The following HDLBP variants were observed in gnomAD, a reference collection of about 807,000 sequenced individuals.
HDLBP encodes high density lipoprotein binding protein.
A neutral mutation model predicts 137.3 loss-of-function variants in HDLBP; 30 were observed. The observed-to-expected ratio is 0.22, with a 90% confidence interval of 0.16 to 0.30. The LOEUF (loss-of-function observed/expected upper bound fraction) is 0.30. HDLBP is among the 10% of genes least tolerant of loss of function. The pLI is 1.00. For missense variants in HDLBP, 1,119 were observed against 1,667.3 expected (o/e 0.67, Z 5.73); for synonymous variants, 606 against 596.0 (o/e 1.02, Z -0.24).
intron 9 of HDLBP, among the ~76,000 whole-genome samples, chr2:241,253,897 T>G (rs2072403719): frequency 6.6e-6 from 1 of 152,204 alleles, no homozygotes; most frequent in Non-Finnish European, 1.5e-5. Context: ...GTAAAGTAAC[T>G]TGCTTGACAT....
chr2:241,250,002 A>T, intron 11 of HDLBP, 22 bp from the exon 12 acceptor site: 1 of 1,587,072 alleles, frequency 6.3e-7, no homozygotes. Context: ...AAAAGGAAAC[A>T]CATTTAGGAC....
At position 241,239,999 on chromosome 2, in the gene HDLBP, C is replaced by T; in HGVS notation, c.2293G>A (p.Ala765Thr). ...AGGTCCTGGTCCTTGTCCTCAGCCG[C>T]AGGGAAGATGACACGTGCTCCAGTG... ...DSTGARVIFP[A>T]AEDKDQDLIT... Residue 765 changes from alanine to threonine, a missense_variant, in exon 18 of 28, where the codon GCG (alanine) becomes ACG (threonine). Physicochemically the swap from Ala to Thr is moderately conservative, Grantham distance 58 (BLOSUM62 0). Around this residue, in one of 4 missense-constraint regions of HDLBP, gnomAD observed 618 missense variants for 816.7 expected, o/e 0.76. Transcript: ENST00000310931. The surrounding 1 kb of genome is among the most constrained non-coding windows in gnomAD (Gnocchi z 4.6). The T allele has an allele frequency of 6.2e-7, 1 of 1,614,202 alleles. No individual in the cohort carries two copies. Among genetic ancestry groups the T allele is most frequent in the Non-Finnish European group, 8.5e-7 (1 of 1,180,036 alleles).
At chr2:241,266,716 G>A in intron 3 of HDLBP, 78 bp downstream of exon 3, 1 of 958,710 alleles carries the variant, frequency 1.0e-6, no homozygotes, top group Non-Finnish European at 1.7e-6. Context: ...TTCTAGAAAG[G>A]GCATGGGATT....
chr2:241,232,242 A>G (rs1303985458), intron 24 of HDLBP, among the ~76,000 whole-genome samples: 1 of 151,236 alleles, frequency 6.6e-6, no homozygotes, highest in East Asian at 2.0e-4. Context: ...CTCATGGTGT[A>G]TTAGATGGAA....
chr2:241,292,751 A>G (rs1412313837), intron 1 of HDLBP, among the ~76,000 whole-genome samples: 1 of 150,666 alleles, frequency 6.6e-6, no homozygotes, highest in Non-Finnish European at 1.5e-5. Context: ...GGTGACAGGC[A>G]TATGATTCTC....
rs935087347 is a variant in HDLBP at position 241,264,914 on chromosome 2, C to T, written c.77-309G>A. 3.9e-5 allele frequency among the ~76,000 whole-genome samples: 6 copies of T among 152,180 alleles called. No homozygotes were observed. In the South Asian group the frequency reaches 8.3e-4, roughly 21 times the overall value. On this transcript the variant is annotated intron_variant, in intron 3 of 27. Transcript: ENST00000310931. ...GACATTGTGAGCCCCACTCCCCTAA[C>T]GGGGTGAGTCCCTTGAAAGCAAGCC...
intron 16 of HDLBP, among the ~76,000 whole-genome samples, chr2:241,246,410 C>T (rs987129675): frequency 5.9e-5 from 9 of 152,044 alleles, no homozygotes; most frequent in African/African-American, 1.9e-4. Context: ...TTACATTGTA[C>T]ACTGTAAATA....
chr2:241,311,907 C>T (rs983178114), intron 1 of HDLBP, among the ~76,000 whole-genome samples: 2 of 152,168 alleles, frequency 1.3e-5, no homozygotes, highest in Admixed American at 1.3e-4. Flanking sequence ...AACTTCCTAC[C>T]TATTCTCAGT....
At chr2:241,244,816 T>C (rs75307644) in intron 16 of HDLBP, among the ~76,000 whole-genome samples, 1,549 of 152,346 alleles carry the variant, frequency 0.01, 16 homozygotes, top group African/African-American at 0.034. Context: ...TGGAATTTTT[T>C]TTAAAGGTTA....
intron 1 of HDLBP, among the ~76,000 whole-genome samples, chr2:241,295,499 A>C (rs1229677996): frequency 2.0e-5 from 3 of 152,198 alleles, no homozygotes; most frequent in African/African-American, 7.2e-5. Context: ...ATACACGAGA[A>C]GCCTGAATCA....
chr2:241,272,331 G>C lies in HDLBP; in HGVS notation c.-102-3790C>G. ...CGGCGCCCCCGCCGGAGCGGGGGAGGGGAGGGCCGGCCCCGCCAACGTCAG... is the reference window on the plus strand; with the variant it reads ...CGGCGCCCCCGCCGGAGCGGGGGAGCGGAGGGCCGGCCCCGCCAACGTCAG... On this transcript the variant is annotated intron_variant, in intron 1 of 27. Coordinates refer to ENST00000310931, the MANE Select transcript of HDLBP (RefSeq NM_005336.6). This position sits in a 1 kb window ranked among gnomAD's most constrained non-coding sequence, Gnocchi z 5.6. 1 of 984,018 alleles carries C rather than the reference G, an allele frequency of 1.0e-6. No homozygotes were observed. The highest frequency in any genetic ancestry group is 1.2e-6 in the Non-Finnish European group (1 of 829,016). 61.0% of individuals were successfully genotyped at this position (984,018 alleles called of 1,614,324 possible). A position where few individuals can be genotyped will look rare whatever the true frequency, so the allele number is the denominator to read the frequency against.
chr2:241,244,609 A>G (rs539798089), intron 16 of HDLBP, among the ~76,000 whole-genome samples: 1 of 152,380 alleles, frequency 6.6e-6, no homozygotes, highest in South Asian at 2.1e-4. Flanking sequence ...AGTGAAGGAA[A>G]AAAATACTTG....
At position 241,252,754 on chromosome 2, in the gene HDLBP, G is replaced by C. The variant is rs543903501; in HGVS notation, c.1372+203C>G. On this transcript the variant is annotated intron_variant, in intron 11 of 27. Transcript: ENST00000310931. The stretch of plus-strand genomic sequence containing the variant: ...AAGTGACAATTCACCCACTGGCCAA[G>C]CAGCTCTAATCCAACCACTGCACCA... 5.3e-5 allele frequency among the ~76,000 whole-genome samples: 8 copies of C among 152,336 alleles called. 1 individual carries two copies. In the South Asian group the frequency reaches 1.7e-3, roughly 32 times the overall value.
intron 1 of HDLBP, among the ~76,000 whole-genome samples, chr2:241,286,648 G>A (rs1386380032): frequency 6.6e-6 from 1 of 152,184 alleles, no homozygotes; most frequent in Non-Finnish European, 1.5e-5. Flanking sequence ...CACGTCATCA[G>A]GACCTCCTGA....
Position 241,239,336 on chromosome 2 carries a change from CCT to C in HDLBP, c.2610+264_2610+265del, listed in dbSNP as rs111731294. Among the ~76,000 whole-genome samples, 3 of 151,558 alleles carry C rather than the reference CCT, an allele frequency of 2.0e-5. No individual in the cohort carries two copies. Among genetic ancestry groups the C allele is most frequent in the Admixed American group, 6.6e-5 (1 of 15,214 alleles). The stretch of plus-strand genomic sequence containing the variant: ...TTTCTTTCTTTCTCTTGCTTTCTTT[CCT>C]CTCTCTCTCTCCCCTCTCCTCTTCT... On this transcript the variant is annotated intron_variant, in intron 19 of 27. Transcript: ENST00000310931. This position sits in a 1 kb window ranked among gnomAD's most constrained non-coding sequence, Gnocchi z 4.6.
In HDLBP at chr2:241,236,659, AGAT is replaced by A. The variant is rs1393265326; in HGVS notation, c.2857_2859del (p.Ile953del). On this transcript the variant is annotated inframe_deletion, in exon 21 of 28. Transcript: ENST00000310931. Reference sequence around the variant, plus strand: ...GCCTCACACTTTTCTTTCCGGCCAGAGATGATGATGATGTCACACCTCCTTGGA... The same window carrying A: ...GCCTCACACTTTTCTTTCCGGCCAGAGATGATGATGTCACACCTCCTTGGA... The A allele has an allele frequency of 1.2e-6, 2 of 1,614,066 alleles. No homozygotes were observed. Among genetic ancestry groups the A allele is most frequent in the African/African-American group, 1.3e-5 (1 of 75,002 alleles).
intron 1 of HDLBP, among the ~76,000 whole-genome samples, chr2:241,313,027 C>T (rs1232906516): frequency 6.6e-6 from 1 of 152,172 alleles, no homozygotes; most frequent in Non-Finnish European, 1.5e-5. Context: ...AAATGTCAGC[C>T]TCCTCTTTCC....
chr2:241,300,620 C>CA, intron 1 of HDLBP, among the ~76,000 whole-genome samples: 1 of 152,128 alleles, frequency 6.6e-6, no homozygotes, highest in Admixed American at 6.6e-5. Flanking sequence ...GCCATATGAC[C>CA]AACTGATAAC....
chr2:241,267,192 CTAA>C (rs998692045), intron 2 of HDLBP, among the ~76,000 whole-genome samples: 7 of 152,022 alleles, frequency 4.6e-5, no homozygotes, highest in Non-Finnish European at 5.9e-5. Context: ...ATAAAATAAA[CTAA>C]TGATAGCTAA....
Sources: allele counts gnomAD v4.1 joint callset (sites outside exome capture counted in the v4.1 genomes callset), GRCh38; gene constraint gnomAD v4.1.1; regional missense constraint gnomAD v4.1.1; non-coding constraint Gnocchi (gnomAD v3.1); transcripts MANE v1.5; gene names NCBI Gene and HGNC (gene_info 2026-07-23, HGNC 2026-07-21).